RTF2: variants seen among roughly 807,000 people sequenced by gnomAD.
The protein encoded by RTF2 is replication termination factor 2, also known as UPF0549 protein C20orf43.
Under a neutral mutation model 38.0 loss-of-function variants are expected in RTF2, and 18 were observed. That is an observed-to-expected ratio of 0.47 (90% CI 0.33 to 0.70). The LOEUF is 0.70. Ranked by LOEUF, RTF2 falls within the 30% of genes least tolerant of loss-of-function variation. RTF2 has a pLI of 0.02. For missense variants in RTF2, 311 were observed against 379.6 expected, an observed-to-expected ratio of 0.82 and a Z score of 1.50; for synonymous variants, 126 against 137.1, an observed-to-expected ratio of 0.92 and a Z score of 0.57.
intron 5 of RTF2, among the ~76,000 whole-genome samples, chr20:56,494,930 A>G (rs145386866): frequency 0.01 from 1,567 of 152,314 alleles, 15 homozygotes; most frequent in Non-Finnish European, 0.016. Context: ...GTGTGGAGAC[A>G]TATGGCAGGG....
chr20:56,515,603 C>CAT (rs1984991344), intron 6 of RTF2: 1 of 45,094 alleles, frequency 2.2e-5, no homozygotes, highest in African/African-American at 7.5e-5. Context: ...GAGAGAGACA[C>CAT]ACACACACAC....
chr20:56,478,300 G>A (rs1349879205), intron 4 of RTF2, among the ~76,000 whole-genome samples: 1 of 152,164 alleles, frequency 6.6e-6, no homozygotes, highest in Non-Finnish European at 1.5e-5. Context: ...ACCAGCCTGG[G>A]TAACATAGTG....
intron 5 of RTF2, among the ~76,000 whole-genome samples, chr20:56,505,753 A>C (rs906375035): frequency 6.6e-6 from 1 of 152,164 alleles, no homozygotes; most frequent in Non-Finnish European, 1.5e-5. Flanking sequence ...ACAAGAAGCA[A>C]ACATACTAGA....
At chr20:56,502,197 G>T (rs1333718941) in intron 5 of RTF2, among the ~76,000 whole-genome samples, 1 of 152,126 alleles carries the variant, frequency 6.6e-6, no homozygotes, top group Non-Finnish European at 1.5e-5. Context: ...CTTTTTTCCC[G>T]TTTATGTAGT....
At chr20:56,485,090 AC>A (rs1297071149) in intron 5 of RTF2, among the ~76,000 whole-genome samples, 2 of 151,988 alleles carry the variant, frequency 1.3e-5, no homozygotes, top group African/African-American at 4.8e-5. Context: ...GGAGAGAGAG[AC>A]CCTCAAGTAG....
chr20:56,474,453 C>T (rs1003176443), intron 2 of RTF2, among the ~76,000 whole-genome samples: 9 of 152,116 alleles, frequency 5.9e-5, no homozygotes, highest in Non-Finnish European at 1.3e-4. Flanking sequence ...TGCACTCCAG[C>T]CGGGGTGACA....
chr20:56,505,127 A>G (rs1451883582), intron 5 of RTF2, among the ~76,000 whole-genome samples: 3 of 152,064 alleles, frequency 2.0e-5, no homozygotes, highest in Admixed American at 2.0e-4. Flanking sequence ...TGTGTGGGAG[A>G]GTCACATTGC....
intron 6 of RTF2, among the ~76,000 whole-genome samples, chr20:56,514,704 C>A (rs1984909075): frequency 6.6e-6 from 1 of 152,162 alleles, no homozygotes. Flanking sequence ...CCAGAATGAT[C>A]AGAAAGAGCC....
At chr20:56,502,650 G>A (rs1470694216) in intron 5 of RTF2, among the ~76,000 whole-genome samples, 1 of 152,160 alleles carries the variant, frequency 6.6e-6, no homozygotes, top group East Asian at 1.9e-4. Flanking sequence ...CTTTAAAGGT[G>A]AACCCGAAGT....
At position 56,496,559 on chromosome 20, in the gene RTF2, G is replaced by GGCAA. The variant is rs1983550912; in HGVS notation, c.477+12370_477+12371insGCAA. On this transcript the variant is annotated intron_variant, in intron 5 of 8. Coordinates refer to ENST00000357348, the MANE Select transcript of RTF2 (RefSeq NM_016407.5). ...TGAGACTCCGTCTCAAAATCAGTCAGTCAATCAATCAATCAATCAATCTAT... is the reference window on the plus strand; with the variant it reads ...TGAGACTCCGTCTCAAAATCAGTCAGGCAATCAATCAATCAATCAATCAATCTAT... 4 of 1,383,722 alleles carry GGCAA rather than the reference G, an allele frequency of 2.9e-6. 1 individual carries two copies. The Admixed American group carries it at 9.4e-5, about 32-fold the overall frequency. 85.7% of individuals were successfully genotyped at this position (1,383,722 alleles called of 1,614,324 possible). A position where few individuals can be genotyped will look rare whatever the true frequency, so the allele number is the denominator to read the frequency against.
At chr20:56,491,587 C>G in intron 5 of RTF2, 1 of 1,551,324 alleles carries the variant, frequency 6.4e-7, no homozygotes, top group African/African-American at 1.4e-5. Context: ...TGAAATGACT[C>G]TGCTGTTGAA....
At chr20:56,504,185 GT>G in intron 5 of RTF2, 1 of 152,354 alleles carries the variant, frequency 6.6e-6, no homozygotes, top group South Asian at 2.1e-4. Context: ...TGCTTGGCAG[GT>G]TTTGTTGCCA....
At chr20:56,470,961 A>G (rs1425414744) in intron 1 of RTF2, 3 of 237,556 alleles carry the variant, frequency 1.3e-5, no homozygotes, top group African/African-American at 6.6e-5. Context: ...CTCTTTCCCC[A>G]TATCTGTGAG....
intron 6 of RTF2, 121 bp from the exon 7 acceptor site, chr20:56,516,810 ACTGT>A (rs1181744100): frequency 1.6e-5 from 13 of 801,636 alleles, no homozygotes; most frequent in East Asian, 4.9e-5. Context: ...CTTCAGAGTG[ACTGT>A]CTGTCTCATG....
intron 5 of RTF2, among the ~76,000 whole-genome samples, chr20:56,493,876 C>T (rs1378239185): frequency 6.6e-6 from 1 of 152,126 alleles, no homozygotes; most frequent in Non-Finnish European, 1.5e-5. Flanking sequence ...GTTGCTGGTT[C>T]TAATGGGATA....
At chr20:56,489,221 ATT>A (rs11481363) in intron 5 of RTF2, among the ~76,000 whole-genome samples, 86 of 136,706 alleles carry the variant, frequency 6.3e-4, no homozygotes, top group Non-Finnish European at 6.8e-4. Context: ...ATGCCTGGTT[ATT>A]TTTTTTTTTT....
chr20:56,517,285 G>A, intron 8 of RTF2, 84 bp downstream of exon 8: 1 of 1,063,188 alleles, frequency 9.4e-7, no homozygotes, highest in Non-Finnish European at 1.4e-6. Flanking sequence ...TGGAGTGGGT[G>A]GATGGGAAGC....
intron 5 of RTF2, among the ~76,000 whole-genome samples, chr20:56,495,471 C>G (rs963645221): frequency 1.3e-5 from 2 of 152,198 alleles, no homozygotes; most frequent in East Asian, 1.9e-4. Context: ...GGATCAAAGG[C>G]TAGTGCTTTT....
intron 5 of RTF2, chr20:56,495,354 T>A (rs1983451954): frequency 7.7e-7 from 1 of 1,298,048 alleles, no homozygotes; most frequent in African/African-American, 1.5e-5. Context: ...GTTCTTTTAG[T>A]ACAAGTTCTT....
Sources: allele counts gnomAD v4.1 joint callset (sites outside exome capture counted in the v4.1 genomes callset), GRCh38; gene constraint gnomAD v4.1.1; transcripts MANE v1.5; gene names NCBI Gene and HGNC (gene_info 2026-07-23, HGNC 2026-07-21).